SEM1: variants seen among roughly 807,000 people sequenced by gnomAD.
SEM1 encodes SEM1 26S proteasome subunit.
In SEM1, 3 loss-of-function variants were observed where a neutral mutation model predicts 12.7. The observed-to-expected ratio is 0.24, with a 90% CI of 0.11 to 0.61. The LOEUF is 0.61. Ranked by LOEUF, SEM1 falls within the 20% of genes least tolerant of loss-of-function variation. The probability of loss-of-function intolerance (pLI) is 0.88; values close to 1 mark genes in which losing one functional copy is unlikely to be tolerated. For synonymous variants in SEM1, 30 were observed against 27.8 expected (o/e 1.08, Z -0.25); for missense variants, 59 against 81.3 (o/e 0.73, Z 1.06).
chr7:96,708,398 A>ATC (rs1281077637), intron 1 of SEM1, among the ~76,000 whole-genome samples: 11 of 152,358 alleles, frequency 7.2e-5, no homozygotes, highest in African/African-American at 2.6e-4. Context: ...TAAATAGAAC[A>ATC]AATGTTCCAG....
chr7:96,565,396 G>T (rs1295236268), intron 2 of SEM1, among the ~76,000 whole-genome samples: 1 of 151,834 alleles, frequency 6.6e-6, no homozygotes, highest in Non-Finnish European at 1.5e-5. Flanking sequence ...TGGCCCGGAG[G>T]CAGCCATTAT....
In SEM1 at chr7:96,709,730, G is replaced by C. The variant is rs749339144; in HGVS notation, c.34C>G (p.Leu12Val). Residue 12 changes from leucine (L) to valine (V), a missense_variant, in exon 1 of 3, where the codon CTG (leucine) becomes GTG (valine). Leu to Val is a conservative substitution (Grantham distance 32). Coordinates refer to ENST00000248566, the MANE Select transcript of SEM1 (RefSeq NM_006304.2). ...TCAAACTCGTCGTCTTCCTCTAACA[G>C]ACCTAAGTCTACCGGCTGCTTTTTC... The part of the protein sequence containing the change: ...SEKKQPVDLG[L>V]LEEDDEFEEF... 6.8e-6 allele frequency: 11 copies of C among 1,613,850 alleles called. No homozygotes were observed. The highest frequency in any genetic ancestry group is 3.4e-6 in the Non-Finnish European group (4 of 1,179,956).
chr7:96,600,663 TA>T (rs1807172171), intron 2 of SEM1, among the ~76,000 whole-genome samples: 1 of 152,150 alleles, frequency 6.6e-6, no homozygotes, highest in African/African-American at 2.4e-5. Context: ...ACGTTGAATG[TA>T]AAACATGATT....
rs117955968 is a variant in SEM1, at chr7:96,520,824, G to T, written c.171-14126C>A. Among the ~76,000 whole-genome samples the T allele has an allele frequency of 2.6e-4, 40 of 152,172 alleles. No individual in the cohort carries two copies. The East Asian group carries it at 7.6e-3, about 29-fold the overall frequency. On this transcript the variant is annotated intron_variant and NMD_transcript_variant, in intron 2 of 3. Transcript: ENST00000466986. ...AGGCTAGTAGGCTGGCCTCCCCGAT[G>T]CCCAGGCTCTCCCCTTCTGGGTTCT...
chr7:96,501,832 A>G (rs7787396), intron 3 of SEM1, among the ~76,000 whole-genome samples: 42,533 of 151,968 alleles, frequency 0.28, 7,281 homozygotes, highest in Non-Finnish European at 0.39. Flanking sequence ...CAGGTACTGA[A>G]TGTAGTACCC....
chr7:96,623,117 A>G (rs1807947936), intron 2 of SEM1: 1 of 152,780 alleles, frequency 6.5e-6, no homozygotes, highest in Non-Finnish European at 1.5e-5. Flanking sequence ...GAATAAAACA[A>G]AAAGCAAAGG....
intron 2 of SEM1, among the ~76,000 whole-genome samples, chr7:96,578,162 C>T (rs1806267663): frequency 6.6e-6 from 1 of 151,658 alleles, no homozygotes; most frequent in Admixed American, 6.6e-5. Flanking sequence ...AATCAAATTT[C>T]CTGAGGAGGA....
intron 2 of SEM1, among the ~76,000 whole-genome samples, chr7:96,609,508 T>C (rs28558970): frequency 0.033 from 5,096 of 152,310 alleles, 267 homozygotes; most frequent in African/African-American, 0.12. Context: ...AAGATAAAAC[T>C]GAGGCCCAGA....
chr7:96,540,244 C>T (rs1364647814), intron 2 of SEM1, among the ~76,000 whole-genome samples: 1 of 151,456 alleles, frequency 6.6e-6, no homozygotes, highest in Non-Finnish European at 1.5e-5. Context: ...TAAAATTAGG[C>T]TGCATTTGAG....
At chr7:96,599,461 G>T (rs955130336) in intron 2 of SEM1, among the ~76,000 whole-genome samples, 1 of 152,120 alleles carries the variant, frequency 6.6e-6, no homozygotes, top group Non-Finnish European at 1.5e-5. Context: ...CTGCTTATCG[G>T]CTACTTGCCT....
intron 2 of SEM1, among the ~76,000 whole-genome samples, chr7:96,519,292 C>T (rs1423798191): frequency 2.0e-5 from 3 of 152,030 alleles, no homozygotes; most frequent in Non-Finnish European, 4.4e-5. Context: ...TTCTATCTGC[C>T]AGGCGTTGCT....
At chr7:96,560,132 G>A (rs76897126) in intron 2 of SEM1, among the ~76,000 whole-genome samples, 1,727 of 152,132 alleles carry the variant, frequency 0.011, 17 homozygotes, top group Non-Finnish European at 0.017. Flanking sequence ...AAATAGTTCC[G>A]CAATGAGCAT....
chr7:96,576,573 A>G (rs929367161), intron 2 of SEM1, among the ~76,000 whole-genome samples: 1 of 152,028 alleles, frequency 6.6e-6, no homozygotes, highest in African/African-American at 2.4e-5. Flanking sequence ...AATTTCACAT[A>G]TGTTTAATTT....
intron 2 of SEM1, among the ~76,000 whole-genome samples, chr7:96,674,609 G>A (rs1006402324): frequency 6.6e-6 from 1 of 152,114 alleles, no homozygotes; most frequent in Non-Finnish European, 1.5e-5. Context: ...CAAGACAGCC[G>A]TGAGCCATGA....
downstream of SEM1, among the ~76,000 whole-genome samples, chr7:96,617,774 T>C (rs530909371): frequency 1.4e-4 from 21 of 152,350 alleles, no homozygotes; most frequent in East Asian, 3.9e-3. Context: ...TCAAATACTT[T>C]TTCTGCATAT....
intron 3 of SEM1, among the ~76,000 whole-genome samples, chr7:96,505,268 AT>A (rs1261840458): frequency 3.3e-5 from 5 of 151,652 alleles, no homozygotes; most frequent in African/African-American, 4.8e-5. Context: ...CGCCCAGCTA[AT>A]TTTTTTGTAT....
chr7:96,623,393 A>G (rs1807956764), intron 2 of SEM1, among the ~76,000 whole-genome samples: 1 of 150,646 alleles, frequency 6.6e-6, no homozygotes, highest in Non-Finnish European at 1.5e-5. Context: ...TCTTTATAAT[A>G]ATGAATAGAA....
intron 2 of SEM1, among the ~76,000 whole-genome samples, chr7:96,575,540 A>G (rs1806175342): frequency 6.6e-6 from 1 of 152,204 alleles, no homozygotes; most frequent in Non-Finnish European, 1.5e-5. Context: ...AGGCAGGAAC[A>G]TTTACGTCTG....
intron 1 of SEM1, among the ~76,000 whole-genome samples, chr7:96,495,366 G>A (rs1232601782): frequency 2.0e-5 from 3 of 152,076 alleles, no homozygotes; most frequent in Non-Finnish European, 4.4e-5. Flanking sequence ...AGTCAAATAA[G>A]CTCTCAGGGC....
Sources: gnomAD v4.1 joint callset for allele counts (sites outside exome capture counted in the v4.1 genomes callset) on GRCh38, gnomAD v4.1.1 for gene constraint, MANE v1.5 for transcripts, NCBI Gene and HGNC (gene_info 2026-07-23, HGNC 2026-07-21) for gene names.